IL3RA: variants seen among roughly 807,000 people sequenced by gnomAD.
IL3RA encodes the protein interleukin 3 receptor subunit alpha.
IL3RA carries 73 observed loss-of-function variants against 52.3 expected under a neutral mutation model. That is an observed-to-expected ratio of 1.40 (90% CI 1.16 to 1.70). IL3RA has a LOEUF of 1.70. Among genes scored for constraint, IL3RA ranks in the 40% most tolerant of loss-of-function variants. The pLI is 0.00. For synonymous variants in IL3RA, 260 were observed against 194.0 expected, an observed-to-expected ratio of 1.34 and a Z score of -2.83; for missense variants, 664 against 504.4, an observed-to-expected ratio of 1.32 and a Z score of -3.03.
Position 1,345,354 on chromosome X carries a change from A to G in IL3RA, c.103A>G (p.Lys35Glu), listed in dbSNP as rs776812676. Reference protein sequence around the residue: ...PPITNLRMKAKAQQLTWDLNR... With the variant: ...PPITNLRMKAEAQQLTWDLNR... ...AATCACGAACCTAAGGATGAAAGCA[A>G]AGGCTCAGCAGTTGACCTGGGACCT... The change falls in exon 3 of 12, where the codon AAG becomes GAG. Residue 35 changes from lysine to glutamate, a missense_variant. By Grantham distance (56) the Lys-to-Glu change is moderately conservative. Coordinates refer to ENST00000331035, the MANE Select transcript of IL3RA (RefSeq NM_002183.4). 3.1e-6 allele frequency: 5 copies of G among 1,611,352 alleles called. No homozygotes were observed. Among genetic ancestry groups the G allele is most frequent in the Admixed American group, 3.3e-5 (2 of 59,898 alleles).
At chrX:1,356,402 A>C in intron 7 of IL3RA, 66 bp downstream of exon 7, 1 of 909,960 alleles carries the variant, frequency 1.1e-6, no homozygotes, top group Non-Finnish European at 1.7e-6. Flanking sequence ...GGTAAGTCGC[A>C]CTCTGGGGCC....
At chrX:1,345,250 AC>A in intron 2 of IL3RA, 65 bp from the exon 3 acceptor site, 1 of 987,372 alleles carries the variant, frequency 1.0e-6, no homozygotes, top group East Asian at 2.5e-5. Context: ...AAAAAACCAT[AC>A]CCCTTACAAT....
intron 4 of IL3RA, among the ~76,000 whole-genome samples, chrX:1,349,756 G>A (rs1286008462): frequency 3.9e-5 from 6 of 151,920 alleles, no homozygotes; most frequent in Non-Finnish European, 5.9e-5. Flanking sequence ...TCCGCCTCCC[G>A]GGTTCAAGCG....
chrX:1,348,214 G>A (rs1222302924), intron 3 of IL3RA, among the ~76,000 whole-genome samples: 22 of 150,856 alleles, frequency 1.5e-4, no homozygotes, highest in Admixed American at 3.3e-4. Flanking sequence ...TTAGCTGGGC[G>A]TGGTGGCGGG....
chrX:1,341,981 C>A (rs1312415622), intron 2 of IL3RA, 152 bp downstream of exon 2: 3 of 799,692 alleles, frequency 3.8e-6, no homozygotes, highest in Non-Finnish European at 6.3e-6. Context: ...AGACACTTCC[C>A]TGTACCCGTC....
chrX:1,367,221 A>C (rs865780222), intron 9 of IL3RA, among the ~76,000 whole-genome samples: 151 of 13,408 alleles, frequency 0.011, 1 homozygote, highest in East Asian at 0.023. Flanking sequence ...GAGCGGGGTG[A>C]GCCGGGTGCG....
intron 1 of IL3RA, among the ~76,000 whole-genome samples, chrX:1,338,876 T>C (rs1177939575): frequency 8.5e-5 from 13 of 152,238 alleles, no homozygotes; most frequent in African/African-American, 2.9e-4. Context: ...CTCAGCTCAC[T>C]GCAACCTCCA....
chrX:1,380,959 G>A (rs1366331988), intron 10 of IL3RA, 64 bp from the exon 11 acceptor site: 7 of 1,353,702 alleles, frequency 5.2e-6, no homozygotes, highest in Middle Eastern at 1.8e-4. Context: ...TGGACACGCT[G>A]TGTCCCAGAT....
chrX:1,370,791 A>T (rs1291864141), intron 9 of IL3RA, among the ~76,000 whole-genome samples: 1 of 74,758 alleles, frequency 1.3e-5, no homozygotes, highest in Non-Finnish European at 2.4e-5. Context: ...ACAGAGAGGG[A>T]CGACCCTGTG....
At chrX:1,364,482 ACT>A (rs1382459837) in intron 8 of IL3RA, among the ~76,000 whole-genome samples, 1 of 152,056 alleles carries the variant, frequency 6.6e-6, no homozygotes, top group Non-Finnish European at 1.5e-5. Flanking sequence ...CAAGAGTGAA[ACT>A]CTGTCTCAAA....
chrX:1,339,721 G>C (rs1166692277), intron 1 of IL3RA, among the ~76,000 whole-genome samples: 1 of 152,080 alleles, frequency 6.6e-6, no homozygotes, highest in Non-Finnish European at 1.5e-5. Context: ...GAACGTGGGA[G>C]GTGGAGGTTG....
At chrX:1,354,323 C>A (rs1169236925) in intron 6 of IL3RA, among the ~76,000 whole-genome samples, 5 of 152,048 alleles carry the variant, frequency 3.3e-5, no homozygotes, top group Non-Finnish European at 7.4e-5. Context: ...GTCCACGATA[C>A]CCGAGCTCCG....
In IL3RA at chrX:1,348,679, TTTCTTTC is replaced by T. The variant is rs1197853251; in HGVS notation, c.298+137_298+143del. 1.7e-5 allele frequency: 7 copies of T among 408,378 alleles called. No homozygotes were observed. The East Asian group carries it at 1.9e-4, about 11-fold the overall frequency. 25.3% of individuals were successfully genotyped at this position (408,378 alleles called of 1,614,324 possible). A position where few individuals can be genotyped will look rare whatever the true frequency, so the allele number is the denominator to read the frequency against. ...CTTTCTTTCTTTCTTTCTTTCTTTC[TTTCTTTC>T]TTTCTTTTTCTTTCTTTCTGTTTCT... On this transcript the variant is annotated intron_variant, in intron 4 of 11. Transcript: ENST00000331035.
intron 3 of IL3RA, among the ~76,000 whole-genome samples, chrX:1,346,407 C>T (rs188520924): frequency 6.6e-6 from 1 of 151,754 alleles, no homozygotes. Context: ...CCACTGCACT[C>T]CAGCCTGGGG....
At chrX:1,351,415 G>C (rs1449197643) in intron 4 of IL3RA, among the ~76,000 whole-genome samples, 1 of 151,872 alleles carries the variant, frequency 6.6e-6, no homozygotes, top group Non-Finnish European at 1.5e-5. Context: ...TGCAACCTCT[G>C]CCTCCTGGGT....
intron 1 of IL3RA, 144 bp from the exon 2 acceptor site, chrX:1,341,584 A>G: frequency 3.1e-6 from 2 of 650,488 alleles, no homozygotes; most frequent in Non-Finnish European, 5.5e-6. Flanking sequence ...ACACAGACAC[A>G]TATGCACACT....
At chrX:1,341,661 A>G (rs17879123) in intron 1 of IL3RA, 67 bp from the exon 2 acceptor site, 1,240,217 of 1,279,780 alleles carry the variant, frequency 0.97, 602,913 homozygotes, top group Non-Finnish European at 1. Flanking sequence ...AGGGGCAAGC[A>G]TCCTTCATTA....
rs186593830 is a variant in IL3RA, at chrX:1,342,942, G to A, written c.64+1113G>A. The stretch of plus-strand genomic sequence containing the variant: ...ATACAAAAATCAGCTGGGCGTGGTG[G>A]CGGGCGCCTGTAATCCCAGTTACTC... On this transcript the variant is annotated intron_variant, in intron 2 of 11. Coordinates refer to ENST00000331035, the MANE Select transcript of IL3RA (RefSeq NM_002183.4). Among the ~76,000 whole-genome samples, 36 of 151,820 alleles carry A rather than the reference G, an allele frequency of 2.4e-4. No homozygotes were observed. The East Asian group carries it at 7.0e-3, about 29-fold the overall frequency.
intron 2 of IL3RA, among the ~76,000 whole-genome samples, chrX:1,342,420 C>T (rs761414537): frequency 1.4e-4 from 21 of 152,128 alleles, no homozygotes; most frequent in Admixed American, 1.1e-3. Context: ...TCTGCCTTGG[C>T]CTCCCAAAGT....
Sources: allele counts gnomAD v4.1 joint callset (sites outside exome capture counted in the v4.1 genomes callset), GRCh38; gene constraint gnomAD v4.1.1; transcripts MANE v1.5; gene names NCBI Gene and HGNC (gene_info 2026-07-23, HGNC 2026-07-21).